The following AGMO variants were observed in gnomAD, a reference collection of about 807,000 sequenced individuals.
The protein encoded by AGMO is glyceryl-ether monooxygenase.
Under a neutral mutation model 60.2 loss-of-function variants are expected in AGMO, and 75 were observed. That is an observed-to-expected ratio of 1.25 (90% CI 1.03 to 1.51). The LOEUF (loss-of-function observed/expected upper bound fraction) is 1.51, where lower values mean the gene tolerates loss of function less well. Among genes scored for constraint, AGMO ranks in the 40% most tolerant of loss-of-function variants. AGMO has a pLI of 0.00. For missense variants in AGMO, 763 were observed against 525.5 expected, an observed-to-expected ratio of 1.45 and a Z score of -4.42; for synonymous variants, 261 against 177.1, an observed-to-expected ratio of 1.47 and a Z score of -3.76.
chr7:15,225,965 T>C (rs1782069553), intron 12 of AGMO, among the ~76,000 whole-genome samples: 1 of 152,020 alleles, frequency 6.6e-6, no homozygotes, highest in Non-Finnish European at 1.5e-5. Flanking sequence ...TTAAAATAAA[T>C]ATTCATTGAA....
chr7:15,511,134 G>A (rs1783660824), intron 3 of AGMO, among the ~76,000 whole-genome samples: 1 of 152,054 alleles, frequency 6.6e-6, no homozygotes, highest in African/African-American at 2.4e-5. Context: ...ATGGGTGGTT[G>A]GAGCTCATCC....
chr7:15,352,971 T>G (rs181929477), intron 12 of AGMO, among the ~76,000 whole-genome samples: 97 of 152,212 alleles, frequency 6.4e-4, no homozygotes, highest in Admixed American at 2.0e-3. Context: ...TGTTACTGCA[T>G]GGGGAGTGTC....
intron 10 of AGMO, among the ~76,000 whole-genome samples, chr7:15,369,245 C>T (rs1457448791): frequency 6.6e-6 from 1 of 152,036 alleles, no homozygotes; most frequent in East Asian, 1.9e-4. Context: ...CTAAAATTGC[C>T]TGTCCACCTA....
At chr7:15,381,538 G>A (rs1180395824) in intron 10 of AGMO, among the ~76,000 whole-genome samples, 1 of 152,168 alleles carries the variant, frequency 6.6e-6, no homozygotes, top group African/African-American at 2.4e-5. Context: ...ATGCTGGTGA[G>A]CTTGTGGAGA....
chr7:15,188,925 G>A, the AGMO span, among the ~76,000 whole-genome samples: 15 of 152,108 alleles, frequency 9.9e-5, no homozygotes, highest in Non-Finnish European at 1.6e-4. Flanking sequence ...GTGTCCAAGA[G>A]AGAATCGGAG....
chr7:15,207,866 G>A (rs925926346), intron 12 of AGMO, among the ~76,000 whole-genome samples: 10 of 152,168 alleles, frequency 6.6e-5, no homozygotes, highest in Admixed American at 5.9e-4. Context: ...GCCAGGAGGC[G>A]GAGCTTGCAG....
intron 12 of AGMO, among the ~76,000 whole-genome samples, chr7:15,327,536 T>C (rs964440709): frequency 6.6e-6 from 1 of 151,940 alleles, no homozygotes; most frequent in African/African-American, 2.4e-5. Flanking sequence ...CACACATCCA[T>C]AAATATTAGA....
the AGMO span, among the ~76,000 whole-genome samples, chr7:15,153,770 T>C: frequency 2.0e-5 from 3 of 152,200 alleles, no homozygotes; most frequent in Non-Finnish European, 4.4e-5. Context: ...TCGGGTAATG[T>C]AATGCCTCCA....
intron 12 of AGMO, among the ~76,000 whole-genome samples, chr7:15,275,392 G>A (rs1212676031): frequency 6.6e-6 from 1 of 151,802 alleles, no homozygotes; most frequent in African/African-American, 2.4e-5. Flanking sequence ...TTCCACTGTG[G>A]TATAAAAAGA....
chr7:15,227,520 A>G (rs542652290), intron 12 of AGMO, among the ~76,000 whole-genome samples: 51 of 152,136 alleles, frequency 3.4e-4, no homozygotes, highest in African/African-American at 7.7e-4. Context: ...AAAAAAAAAA[A>G]AAGAAGCAAC....
At chr7:15,462,408 T>C (rs1293791447) in intron 3 of AGMO, among the ~76,000 whole-genome samples, 3 of 152,164 alleles carry the variant, frequency 2.0e-5, no homozygotes, top group African/African-American at 7.2e-5. Context: ...GGAAAATCAG[T>C]TCTACTATTG....
chr7:15,140,788 C>A, the AGMO span, among the ~76,000 whole-genome samples: 2 of 152,002 alleles, frequency 1.3e-5, no homozygotes, highest in Non-Finnish European at 2.9e-5. Context: ...TTCCTTTCTA[C>A]AATTTTACAT....
At chr7:15,531,012 TATATTC>T (rs1326568045) in intron 3 of AGMO, among the ~76,000 whole-genome samples, 2 of 6,034 alleles carry the variant, frequency 3.3e-4, no homozygotes, top group Non-Finnish European at 6.0e-4. Flanking sequence ...ATATTCTATA[TATATTC>T]TATATATTCC....
At chr7:15,497,321 C>A (rs141504391) in intron 3 of AGMO, among the ~76,000 whole-genome samples, 2 of 152,238 alleles carry the variant, frequency 1.3e-5, no homozygotes, top group East Asian at 3.9e-4. Flanking sequence ...CCTGGGACTA[C>A]AACCACTTGT....
intron 10 of AGMO, among the ~76,000 whole-genome samples, chr7:15,379,198 A>T (rs1783578982): frequency 6.6e-6 from 1 of 152,088 alleles, no homozygotes; most frequent in Non-Finnish European, 1.5e-5. Flanking sequence ...ACCTAGTATC[A>T]CGACTAAATA....
chr7:15,427,884 G>A (rs1781113610), intron 4 of AGMO, among the ~76,000 whole-genome samples: 2 of 151,480 alleles, frequency 1.3e-5, no homozygotes, highest in East Asian at 1.9e-4. Flanking sequence ...GGCTTAAAAT[G>A]CAAATAATAT....
intron 3 of AGMO, among the ~76,000 whole-genome samples, chr7:15,464,492 G>A (rs1429057917): frequency 6.6e-6 from 1 of 152,122 alleles, no homozygotes; most frequent in Non-Finnish European, 1.5e-5. Flanking sequence ...CAATGTTCAC[G>A]AATTACTTAA....
intron 10 of AGMO, among the ~76,000 whole-genome samples, chr7:15,371,142 G>A (rs559747320): frequency 1.3e-5 from 2 of 152,094 alleles, no homozygotes; most frequent in Non-Finnish European, 1.5e-5. Flanking sequence ...TTGAACCTAA[G>A]ACCTCAAACT....
At chr7:15,286,018 C>A (rs1784087836) in intron 12 of AGMO, among the ~76,000 whole-genome samples, 1 of 151,978 alleles carries the variant, frequency 6.6e-6, no homozygotes, top group Admixed American at 6.6e-5. Context: ...AACTGGATAG[C>A]CATATGTAGA....
Sources: gnomAD v4.1 joint callset for allele counts (sites outside exome capture counted in the v4.1 genomes callset) on GRCh38, gnomAD v4.1.1 for gene constraint, MANE v1.5 for transcripts, NCBI Gene and HGNC (gene_info 2026-07-23, HGNC 2026-07-21) for gene names.